Variants in MTUS1 observed in about 807,000 individuals in gnomAD.
MTUS1 encodes the protein microtubule associated scaffold protein 1.
Under a neutral mutation model 120.8 loss-of-function variants are expected in MTUS1, and 109 were observed. The ratio of observed to expected loss-of-function variants is 0.90; its 90% CI spans 0.77 to 1.06. The LOEUF (loss-of-function observed/expected upper bound fraction) is 1.06, where lower values mean the gene tolerates loss of function less well. Among genes scored for constraint, MTUS1 ranks in the 50% least tolerant of loss-of-function variants. MTUS1 has a pLI of 0.00. For synonymous variants in MTUS1, 737 were observed against 550.5 expected (o/e 1.34, Z -4.74); for missense variants, 2,210 against 1,486.3 (o/e 1.49, Z -8.01).
At chr8:17,701,450 A>G (rs568022602) in intron 6 of MTUS1, among the ~76,000 whole-genome samples, 1 of 152,250 alleles carries the variant, frequency 6.6e-6, no homozygotes, top group Non-Finnish European at 1.5e-5. Flanking sequence ...ATTGCCTTTT[A>G]TTTTGCAATA....
chr8:17,729,107 G>A (rs1295823309), intron 3 of MTUS1, among the ~76,000 whole-genome samples: 1 of 152,160 alleles, frequency 6.6e-6, no homozygotes, highest in Non-Finnish European at 1.5e-5. Context: ...CAGAGAATAT[G>A]TCTGTAGCTA....
intron 14 of MTUS1, among the ~76,000 whole-genome samples, chr8:17,646,547 C>A (rs1308043705): frequency 6.6e-6 from 1 of 152,128 alleles, no homozygotes; most frequent in Non-Finnish European, 1.5e-5. Flanking sequence ...AAGATCACAC[C>A]ACTGTACTCC....
chr8:17,649,643 C>T lies in MTUS1; in HGVS notation c.3501+203G>A, dbSNP rs372769566. 5.9e-5 allele frequency among the ~76,000 whole-genome samples: 9 copies of T among 152,158 alleles called. No individual in the cohort carries two copies. The East Asian group carries it at 1.5e-3, about 26-fold the overall frequency. ...AGGACTGGGTGCTGTTTTACATGTT[C>T]CTTGAAAAAGAAAACATTCTAGGAG... On this transcript the variant is annotated intron_variant, in intron 13 of 14. Transcript: ENST00000693296.
In MTUS1 at chr8:17,645,996, G is replaced by T; in HGVS notation, c.3743C>A (p.Ser1248Tyr). Residue 1248 changes from serine to tyrosine, a missense_variant, in exon 15 of 15, where the codon TCC (serine) becomes TAC (tyrosine). By Grantham distance (144) the Ser-to-Tyr change is moderately radical (BLOSUM62 -2). Coordinates refer to ENST00000693296, the MANE Select transcript of MTUS1 (RefSeq NM_001363059.2). ...DLCSPKRSPT[S>Y]SAIPLQSPRN... Reference sequence around the variant, plus strand: ...TGGTGACTGCAAAGGGATGGCGGAGGATGTGGGGGATCTCTTGGGGCTACA... The same window carrying T: ...TGGTGACTGCAAAGGGATGGCGGAGTATGTGGGGGATCTCTTGGGGCTACA... 1 of 1,613,662 alleles carries T rather than the reference G, an allele frequency of 6.2e-7. No homozygotes were observed. The highest frequency in any genetic ancestry group is 8.5e-7 in the Non-Finnish European group (1 of 1,179,958).
chr8:17,707,554 G>A (rs1371007476), intron 6 of MTUS1, among the ~76,000 whole-genome samples: 4 of 152,144 alleles, frequency 2.6e-5, no homozygotes, highest in African/African-American at 9.7e-5. Context: ...GTCATCTATA[G>A]ATTCAATGTA....
intron 3 of MTUS1, among the ~76,000 whole-genome samples, chr8:17,728,648 G>A (rs1178327097): frequency 6.6e-6 from 1 of 152,170 alleles, no homozygotes; most frequent in Non-Finnish European, 1.5e-5. Context: ...AGCTTAGTAG[G>A]AACACAGGTG....
At chr8:17,748,797 T>C (rs2131303803) in intron 2 of MTUS1, among the ~76,000 whole-genome samples, 1 of 152,300 alleles carries the variant, frequency 6.6e-6, no homozygotes, top group South Asian at 2.1e-4. Context: ...GCAACAGTAT[T>C]ACCCACTGCA....
intron 1 of MTUS1, among the ~76,000 whole-genome samples, chr8:17,756,553 A>C (rs921564505): frequency 1.3e-5 from 2 of 151,942 alleles, no homozygotes; most frequent in Non-Finnish European, 2.9e-5. Flanking sequence ...GGAAAAAAAA[A>C]TTGTCGATTC....
chr8:17,711,857 C>A (rs986177185), intron 6 of MTUS1, among the ~76,000 whole-genome samples: 4 of 152,092 alleles, frequency 2.6e-5, no homozygotes, highest in Non-Finnish European at 5.9e-5. Context: ...TGGTTACTTT[C>A]AATATTATTG....
intron 6 of MTUS1, among the ~76,000 whole-genome samples, chr8:17,712,550 G>A (rs407866): frequency 0.13 from 19,560 of 152,092 alleles, 1,480 homozygotes; most frequent in Non-Finnish European, 0.16. Context: ...TGTTGGCCAG[G>A]CTGGTCTTGA....
Position 17,755,910 on chromosome 8 carries a change from T to A in MTUS1, c.-103A>T, listed in dbSNP as rs1206539885. On this transcript the variant is annotated 5_prime_UTR_variant, in exon 2 of 15. Transcript: ENST00000693296. The stretch of plus-strand genomic sequence containing the variant: ...CTGTCTTCTAGGTTTTTCAGCACAG[T>A]TGAAAGGTTTTCAGTCTAAGATGCT... 1.4e-6 allele frequency: 2 copies of A among 1,479,086 alleles called. No homozygotes were observed. The highest frequency in any genetic ancestry group is 2.5e-5 in the Admixed American group (1 of 39,506). The allele number at this position is 1,479,086 out of a possible 1,614,324, so 91.6% of individuals were successfully genotyped here.
In MTUS1 at chr8:17,755,083, G is replaced by C. The variant is rs938581667; in HGVS notation, c.725C>G (p.Thr242Ser). 2 of 1,613,692 alleles carry C rather than the reference G, an allele frequency of 1.2e-6. No homozygotes were observed. The highest frequency in any genetic ancestry group is 1.7e-6 in the Non-Finnish European group (2 of 1,180,046). Residue 242 changes from threonine (T) to serine (S), a missense_variant, in exon 2 of 15, where the codon ACT (threonine) becomes AGT (serine). Thr to Ser is a moderately conservative substitution (Grantham distance 58, BLOSUM62 1). Coordinates refer to ENST00000693296, the MANE Select transcript of MTUS1 (RefSeq NM_001363059.2). ...CACCACATCAGAAAATGCTGTGTAA[G>C]TCATGTCTTGGGCTTCTGATGGTGT... ...QVTPSEAQDMTYTAFSDVVMQ... is the reference protein window; with the variant it reads ...QVTPSEAQDMSYTAFSDVVMQ...
intron 7 of MTUS1, among the ~76,000 whole-genome samples, chr8:17,680,565 G>A (rs962757039): frequency 6.7e-6 from 1 of 149,530 alleles, no homozygotes. Flanking sequence ...TTAAGTATAA[G>A]GTGAAATTCA....
intron 7 of MTUS1, among the ~76,000 whole-genome samples, chr8:17,676,735 G>A (rs1355533729): frequency 1.3e-5 from 2 of 152,080 alleles, no homozygotes. Context: ...TCTAATTGTG[G>A]TCATTATTTG....
At chr8:17,677,760 T>A (rs746039053) in intron 7 of MTUS1, among the ~76,000 whole-genome samples, 3 of 152,172 alleles carry the variant, frequency 2.0e-5, no homozygotes, top group Non-Finnish European at 4.4e-5. Flanking sequence ...CATCTTTCAC[T>A]CTTTGTCTAA....
chr8:17,713,125 A>C (rs1821659164), intron 6 of MTUS1, 89 bp downstream of exon 6: 3 of 1,049,510 alleles, frequency 2.9e-6, no homozygotes, highest in Non-Finnish European at 2.9e-6. Flanking sequence ...ACTTATAAGC[A>C]CACCAGTAAA....
intron 1 of MTUS1, among the ~76,000 whole-genome samples, chr8:17,786,231 C>T (rs888495682): frequency 6.6e-6 from 1 of 152,174 alleles, no homozygotes; most frequent in Non-Finnish European, 1.5e-5. Flanking sequence ...ACATCACCAA[C>T]ACACGCACGA....
intron 6 of MTUS1, among the ~76,000 whole-genome samples, chr8:17,690,566 A>G (rs964506928): frequency 3.3e-5 from 5 of 152,218 alleles, no homozygotes; most frequent in African/African-American, 1.2e-4. Context: ...AACACAGACT[A>G]TCTTATAACA....
At chr8:17,668,028 G>C (rs929793122) in intron 8 of MTUS1, among the ~76,000 whole-genome samples, 2 of 152,102 alleles carry the variant, frequency 1.3e-5, no homozygotes, top group African/African-American at 4.8e-5. Context: ...GAAATAATCA[G>C]GACTAATGTA....
Sources: gnomAD v4.1 joint callset for allele counts (sites outside exome capture counted in the v4.1 genomes callset) on GRCh38, gnomAD v4.1.1 for gene constraint, MANE v1.5 for transcripts, NCBI Gene and HGNC (gene_info 2026-07-23, HGNC 2026-07-21) for gene names.